DTNA: variants seen among roughly 807,000 people sequenced by gnomAD.
DTNA encodes the protein dystrobrevin alpha, also known as dystrophin-related protein 3.
DTNA carries 43 observed loss-of-function variants against 100.7 expected under a neutral mutation model. The observed-to-expected ratio is 0.43, with a 90% CI of 0.33 to 0.55. The LOEUF is 0.55. Among genes scored for constraint, DTNA ranks in the 20% least tolerant of loss-of-function variants. The pLI, the probability that DTNA is intolerant of heterozygous loss-of-function variation, is 0.04. For synonymous variants in DTNA, 349 were observed against 347.9 expected, an observed-to-expected ratio of 1.00 and a Z score of -0.04; for missense variants, 798 against 953.9, an observed-to-expected ratio of 0.84 and a Z score of 2.15.
chr18:34,799,862 T>C (rs1343879711), intron 4 of DTNA, among the ~76,000 whole-genome samples: 2 of 152,172 alleles, frequency 1.3e-5, no homozygotes, highest in East Asian at 3.8e-4. Context: ...TCCAACAGTA[T>C]TGACCCCTTC....
At chr18:34,552,636 T>G (rs2045562654) in intron 1 of DTNA, among the ~76,000 whole-genome samples, 1 of 151,150 alleles carries the variant, frequency 6.6e-6, no homozygotes, top group African/African-American at 2.4e-5. Flanking sequence ...TGTTTGGTTT[T>G]TTGTTCTTGC....
intron 11 of DTNA, among the ~76,000 whole-genome samples, chr18:34,833,138 A>G (rs1386566031): frequency 6.6e-6 from 1 of 152,290 alleles, no homozygotes; most frequent in African/African-American, 2.4e-5. Flanking sequence ...GGCCTTTAAT[A>G]TCATGTTCAA....
Position 34,768,799 on chromosome 18 carries a change from G to A in DTNA, c.148+2758G>A, listed in dbSNP as rs1237028633. Among the ~76,000 whole-genome samples the A allele has an allele frequency of 2.0e-5, 3 of 152,174 alleles. No homozygotes were observed. In the East Asian group the frequency reaches 5.8e-4, roughly 29 times the overall value. On this transcript the variant is annotated intron_variant, in intron 3 of 22. Transcript: ENST00000444659. ...TAGGTACCAAGGATAGTGTGATGAT[G>A]AATGACATGCAATACCTTCCTTCAA... is the stretch of plus-strand genomic sequence containing the variant.
chr18:34,503,878 CAGGCTGG>C (rs1412036978), intron 1 of DTNA, among the ~76,000 whole-genome samples: 1 of 151,958 alleles, frequency 6.6e-6, no homozygotes, highest in African/African-American at 2.4e-5. Context: ...CCAGGCTGGC[CAGGCTGG>C]AGTGCAGTGG....
At chr18:34,549,983 A>G (rs549258511) in intron 1 of DTNA, among the ~76,000 whole-genome samples, 1 of 152,196 alleles carries the variant, frequency 6.6e-6, no homozygotes, top group South Asian at 2.1e-4. Context: ...CTGAATTTAG[A>G]TATCAGTTTT....
chr18:34,803,370 A>G (rs1456336520), intron 4 of DTNA, among the ~76,000 whole-genome samples: 12 of 151,846 alleles, frequency 7.9e-5, no homozygotes, highest in African/African-American at 2.9e-4. Flanking sequence ...ATTTCCAGGA[A>G]CAATACAGGA....
At chr18:34,563,645 C>T (rs1188141815) in intron 1 of DTNA, among the ~76,000 whole-genome samples, 1 of 152,176 alleles carries the variant, frequency 6.6e-6, no homozygotes, top group Admixed American at 6.5e-5. Context: ...TATATCCACC[C>T]CACACATTTG....
chr18:34,576,863 G>A (rs148640676), intron 1 of DTNA, among the ~76,000 whole-genome samples: 134 of 152,272 alleles, frequency 8.8e-4, no homozygotes, highest in African/African-American at 2.8e-3. Flanking sequence ...GTCTTGTCAT[G>A]CGTGTGAACA....
chr18:34,688,969 TG>T (rs775336576), intron 1 of DTNA, among the ~76,000 whole-genome samples: 13 of 152,158 alleles, frequency 8.5e-5, no homozygotes, highest in Non-Finnish European at 1.6e-4. Context: ...CACAAAGTTC[TG>T]GTGCTGTGTT....
intron 1 of DTNA, among the ~76,000 whole-genome samples, chr18:34,612,613 T>A (rs1268479957): frequency 1.3e-5 from 2 of 152,210 alleles, no homozygotes; most frequent in African/African-American, 4.8e-5. Context: ...GAGAGTATTT[T>A]CTGCCTATGC....
At chr18:34,676,124 T>A (rs2077369015) in intron 1 of DTNA, among the ~76,000 whole-genome samples, 1 of 152,174 alleles carries the variant, frequency 6.6e-6, no homozygotes, top group South Asian at 2.1e-4. Context: ...CAATTTGTAA[T>A]AAACGTGTAT....
chr18:34,640,476 CA>C (rs2059152168), intron 1 of DTNA, among the ~76,000 whole-genome samples: 1 of 152,204 alleles, frequency 6.6e-6, no homozygotes, highest in Non-Finnish European at 1.5e-5. Context: ...GCATTGTCAG[CA>C]AAAATACCTA....
At chr18:34,861,877 T>A (rs1021738833) in intron 16 of DTNA, among the ~76,000 whole-genome samples, 1 of 152,154 alleles carries the variant, frequency 6.6e-6, no homozygotes, top group African/African-American at 2.4e-5. Flanking sequence ...AAAACCGCAG[T>A]TACTTTTGCA....
chr18:34,820,007 C>G (rs945944303), intron 8 of DTNA, among the ~76,000 whole-genome samples: 4 of 146,282 alleles, frequency 2.7e-5, no homozygotes, highest in Non-Finnish European at 6.0e-5. Context: ...TGGCAAAAAC[C>G]GCAATTGCTT....
intron 1 of DTNA, among the ~76,000 whole-genome samples, chr18:34,620,152 A>G (rs1210719237): frequency 1.3e-5 from 2 of 152,148 alleles, no homozygotes; most frequent in African/African-American, 4.8e-5. Context: ...GGTTCAGTGT[A>G]GTGGTGGGAA....
intron 1 of DTNA, among the ~76,000 whole-genome samples, chr18:34,580,021 C>G (rs1020100052): frequency 1.3e-5 from 2 of 151,294 alleles, no homozygotes; most frequent in South Asian, 4.2e-4. Flanking sequence ...TTTTTTTTCT[C>G]TAGTGTTTCA....
rs950272585 is a variant in DTNA at position 34,696,690 on chromosome 18, G to C, written c.-1-59286G>C. On this transcript the variant is annotated intron_variant, in intron 1 of 19. Coordinates refer to the DTNA transcript ENST00000283365. ...CTCACCTTCCCAGCCCACTGAGTGG[G>C]AAATTTGAAGAAGTACAGCTGTACG... 5.1e-4 allele frequency among the ~76,000 whole-genome samples: 77 copies of C among 152,152 alleles called. 1 individual carries two copies. The highest frequency in any genetic ancestry group is 5.0e-3 in the Admixed American group (77 of 15,276).
intron 11 of DTNA, among the ~76,000 whole-genome samples, chr18:34,830,816 T>C (rs1001979343): frequency 1.1e-4 from 17 of 152,198 alleles, no homozygotes; most frequent in Non-Finnish European, 2.4e-4. Context: ...GTATCCCTAA[T>C]CTATTTTGTT....
chr18:34,729,294 A>C (rs2087508430), intron 1 of DTNA, among the ~76,000 whole-genome samples: 1 of 152,188 alleles, frequency 6.6e-6, no homozygotes, highest in African/African-American at 2.4e-5. Context: ...GGAGATTTGA[A>C]CTCAAGTGTG....
Sources: allele counts gnomAD v4.1 joint callset (sites outside exome capture counted in the v4.1 genomes callset), GRCh38; gene constraint gnomAD v4.1.1; transcripts MANE v1.5; gene names NCBI Gene and HGNC (gene_info 2026-07-23, HGNC 2026-07-21).